Variants in SLC44A1 observed in about 807,000 individuals in gnomAD.
SLC44A1 encodes solute carrier family 44 member 1, also known as choline transporter-like protein 1.
In SLC44A1, 26 loss-of-function variants were observed where a neutral mutation model predicts 79.3. The ratio of observed to expected loss-of-function variants is 0.33; its 90% CI spans 0.24 to 0.46. SLC44A1 has a LOEUF of 0.46. SLC44A1 is among the 20% of genes least tolerant of loss of function. The pLI, the probability that SLC44A1 is intolerant of heterozygous loss-of-function variation, is 1.00. For missense variants in SLC44A1, 688 were observed against 798.1 expected, an observed-to-expected ratio of 0.86 and a Z score of 1.66; for synonymous variants, 263 against 286.2, an observed-to-expected ratio of 0.92 and a Z score of 0.82.
In SLC44A1 at chr9:105,395,745, A is replaced by G. The variant is rs754653109; in HGVS notation, c.*6689A>G. ...TAATTTGAACTGTCGTTTCAGGAGC[A>G]TGTGTTAAATCATATGAGTAAAAAA... On this transcript the variant is annotated 3_prime_UTR_variant, in exon 16 of 16. Transcript: ENST00000374720. 7.8e-5 allele frequency: 77 copies of G among 984,962 alleles called. No individual in the cohort carries two copies. The highest frequency in any genetic ancestry group is 1.0e-3 in the Middle Eastern group (2 of 1,934). 61.0% of individuals were successfully genotyped at this position (984,962 alleles called of 1,614,324 possible). A position where few individuals can be genotyped will look rare whatever the true frequency, so the allele number is the denominator to read the frequency against.
At chr9:105,387,509 C>T (rs1828664064) in intron 15 of SLC44A1, among the ~76,000 whole-genome samples, 1 of 152,098 alleles carries the variant, frequency 6.6e-6, no homozygotes, top group African/African-American at 2.4e-5. Context: ...CCTATGGCAA[C>T]ATGGAGAAAT....
At chr9:105,431,474 A>G (rs555901196) in intron 15 of SLC44A1, among the ~76,000 whole-genome samples, 23 of 152,356 alleles carry the variant, frequency 1.5e-4, no homozygotes, top group African/African-American at 5.5e-4. Context: ...CACTGGCATG[A>G]GATGAGTATA....
At chr9:105,417,433 A>G (rs1829185898) in intron 15 of SLC44A1, among the ~76,000 whole-genome samples, 1 of 152,084 alleles carries the variant, frequency 6.6e-6, no homozygotes, top group African/African-American at 2.4e-5. Flanking sequence ...CATACCATGC[A>G]TGTCTTTATG....
At chr9:105,294,954 AT>A (rs1830686902) in intron 1 of SLC44A1, among the ~76,000 whole-genome samples, 1 of 140,766 alleles carries the variant, frequency 7.1e-6, no homozygotes, top group Non-Finnish European at 1.5e-5. Flanking sequence ...GAGTATACTG[AT>A]TTTTTTCCTT....
chr9:105,355,135 AT>A (rs1827581271), intron 5 of SLC44A1, among the ~76,000 whole-genome samples: 2 of 152,248 alleles, frequency 1.3e-5, no homozygotes, highest in African/African-American at 4.8e-5. Context: ...CATAATGCAC[AT>A]ATAAGTGTGT....
chr9:105,277,552 T>C (rs1564409942), intron 1 of SLC44A1, among the ~76,000 whole-genome samples: 1 of 152,134 alleles, frequency 6.6e-6, no homozygotes, highest in Admixed American at 6.5e-5. Context: ...TGCCACACCA[T>C]ATAGGTGAAC....
chr9:105,281,533 G>T (rs1830351766), intron 1 of SLC44A1, among the ~76,000 whole-genome samples: 1 of 152,182 alleles, frequency 6.6e-6, no homozygotes, highest in African/African-American at 2.4e-5. Context: ...ATATCTTGTT[G>T]TAAAGGATGT....
At chr9:105,374,905 G>A (rs1238729659) in intron 13 of SLC44A1, among the ~76,000 whole-genome samples, 170 bp downstream of exon 13, 3 of 152,174 alleles carry the variant, frequency 2.0e-5, no homozygotes, top group African/African-American at 7.2e-5. Flanking sequence ...GACATATATT[G>A]TGCTCATTTA....
chr9:105,268,510 CT>C (rs1009058104), intron 1 of SLC44A1, among the ~76,000 whole-genome samples: 4 of 149,112 alleles, frequency 2.7e-5, no homozygotes, highest in South Asian at 2.1e-4. Context: ...TAACGATCTT[CT>C]TTTTTTTTTG....
chr9:105,315,725 A>G (rs987189080), intron 3 of SLC44A1, among the ~76,000 whole-genome samples: 1 of 152,206 alleles, frequency 6.6e-6, no homozygotes. Flanking sequence ...TCGACTGTGC[A>G]TACCTGTTCC....
At position 105,395,184 on chromosome 9, in the gene SLC44A1, C is replaced by G. The variant is rs375036626; in HGVS notation, c.*6128C>G. 6 of 985,342 alleles carry G rather than the reference C, an allele frequency of 6.1e-6. No individual in the cohort carries two copies. In the African/African-American group the frequency reaches 8.7e-5, roughly 14 times the overall value. The allele number at this position is 985,342 out of a possible 1,614,324, so 61.0% of individuals were successfully genotyped here. On this transcript the variant is annotated 3_prime_UTR_variant, in exon 16 of 16. Transcript: ENST00000374720. ...AGAAAAGTCAGCCCCCTACCCCACC[C>G]CACACTCCTAGAAAAGTTTGGGGGT...
chr9:105,375,182 C>T (rs1828239289), intron 13 of SLC44A1, among the ~76,000 whole-genome samples: 1 of 152,210 alleles, frequency 6.6e-6, no homozygotes, highest in Non-Finnish European at 1.5e-5. Flanking sequence ...GCTGGGATTA[C>T]AGGCGTGCCA....
chr9:105,324,008 TTGTTTTTG>T (rs1826485678), intron 3 of SLC44A1, among the ~76,000 whole-genome samples: 2 of 152,126 alleles, frequency 1.3e-5, no homozygotes, highest in African/African-American at 4.8e-5. Flanking sequence ...GTTTTTGTTT[TTGTTTTTG>T]TTTTTGACGG....
intron 3 of SLC44A1, among the ~76,000 whole-genome samples, chr9:105,313,446 G>T (rs1022603392): frequency 6.6e-6 from 1 of 152,172 alleles, no homozygotes; most frequent in African/African-American, 2.4e-5. Flanking sequence ...TCATAAGGCT[G>T]CACTTAAATT....
chr9:105,245,297 G>T (rs567266024), intron 1 of SLC44A1, among the ~76,000 whole-genome samples: 2 of 152,068 alleles, frequency 1.3e-5, no homozygotes, highest in South Asian at 4.1e-4. Context: ...TTCCACCTCC[G>T]TGGAGTCTCC....
intron 15 of SLC44A1, among the ~76,000 whole-genome samples, chr9:105,438,063 A>C (rs1282309508): frequency 6.6e-6 from 1 of 152,210 alleles, no homozygotes; most frequent in African/African-American, 2.4e-5. Context: ...CACAGATTTT[A>C]AATAACTTGT....
At chr9:105,380,153 GATGGAAAAAC>G (rs1828417712) in intron 13 of SLC44A1, among the ~76,000 whole-genome samples, 1 of 152,082 alleles carries the variant, frequency 6.6e-6, no homozygotes, top group Admixed American at 6.5e-5. Flanking sequence ...CTCTTTTAAA[GATGGAAAAAC>G]AGGCTCAGAA....
At chr9:105,407,155 A>T (rs1829039106) in intron 15 of SLC44A1, among the ~76,000 whole-genome samples, 1 of 152,184 alleles carries the variant, frequency 6.6e-6, no homozygotes, top group African/African-American at 2.4e-5. Context: ...GCATACCAAC[A>T]TACACAGAAT....
At chr9:105,325,391 A>G (rs557587049) in intron 3 of SLC44A1, among the ~76,000 whole-genome samples, 1 of 152,344 alleles carries the variant, frequency 6.6e-6, no homozygotes, top group East Asian at 1.9e-4. Context: ...TGTTGCCTAC[A>G]GCAGAATACC....
Sources: gnomAD v4.1 joint callset for allele counts (sites outside exome capture counted in the v4.1 genomes callset) on GRCh38, gnomAD v4.1.1 for gene constraint, MANE v1.5 for transcripts, NCBI Gene and HGNC (gene_info 2026-07-23, HGNC 2026-07-21) for gene names.